The following RBFOX1 variants were observed in gnomAD, a reference collection of about 807,000 sequenced individuals.
RBFOX1 encodes the protein RNA binding fox-1 homolog 1.
Under a neutral mutation model 57.7 loss-of-function variants are expected in RBFOX1, and 8 were observed. The observed-to-expected ratio is 0.14, with a 90% CI of 0.08 to 0.25. The LOEUF (loss-of-function observed/expected upper bound fraction) is 0.25, where lower values mean the gene tolerates loss of function less well. RBFOX1 is among the 10% of genes least tolerant of loss of function. The pLI is 1.00. For synonymous variants in RBFOX1, 326 were observed against 222.4 expected, an observed-to-expected ratio of 1.47 and a Z score of -4.15; for missense variants, 611 against 548.5, an observed-to-expected ratio of 1.11 and a Z score of -1.14.
chr16:6,823,612 C>G (rs1255164460), intron 3 of RBFOX1, among the ~76,000 whole-genome samples: 1 of 152,102 alleles, frequency 6.6e-6, no homozygotes, highest in Non-Finnish European at 1.5e-5. Context: ...TTGAATATTC[C>G]ACCAGTTTTC....
At chr16:5,588,230 G>T (rs1291805650) in intron 2 of RBFOX1, among the ~76,000 whole-genome samples, 2 of 152,174 alleles carry the variant, frequency 1.3e-5, no homozygotes, top group Non-Finnish European at 2.9e-5. Flanking sequence ...GATGGAGGAT[G>T]GAGGTGATGG....
rs568681878 is a variant in RBFOX1 at position 7,001,072 on chromosome 16, C to G, written c.-15-50985C>G. ...AGAAAAATCTTTTACTGATTCTTTG[C>G]TTACCCCAAGGTAGAGTTCATGTGA... On this transcript the variant is annotated intron_variant, in intron 3 of 15. Coordinates refer to ENST00000550418, the MANE Select transcript of RBFOX1 (RefSeq NM_018723.4). 1.0e-3 allele frequency among the ~76,000 whole-genome samples: 158 copies of G among 152,266 alleles called. 2 individuals are homozygous for G. Among genetic ancestry groups the G allele is most frequent in the African/African-American group, 3.7e-3 (153 of 41,562 alleles).
chr16:5,943,054 A>G (rs1159134924), intron 4 of RBFOX1, among the ~76,000 whole-genome samples: 1 of 152,102 alleles, frequency 6.6e-6, no homozygotes, highest in Non-Finnish European at 1.5e-5. Flanking sequence ...ACTGTTCTCA[A>G]GCCTTTGTTC....
At chr16:6,055,774 G>C (rs1460358296) in intron 1 of RBFOX1, among the ~76,000 whole-genome samples, 3 of 151,998 alleles carry the variant, frequency 2.0e-5, no homozygotes, top group Non-Finnish European at 4.4e-5. Flanking sequence ...ACCAAAGTAA[G>C]ATGAGTACAG....
rs560472298 is a variant in RBFOX1, at chr16:5,339,470, GTTTTTTTTTTTTTTTTT to G, written c.219+99379_219+99395del. Among the ~76,000 whole-genome samples, 27 of 40,898 alleles carry G rather than the reference GTTTTTTTTTTTTTTTTT, an allele frequency of 6.6e-4. 5 individuals are homozygous for G. The highest frequency in any genetic ancestry group is 2.0e-3 in the South Asian group (1 of 500). The allele number at this position is 40,898 out of a possible 152,430, so 26.8% of individuals were successfully genotyped here. On this transcript the variant is annotated intron_variant, in intron 1 of 2. Transcript: ENST00000585867. ...AAAAGCTAGAAGCTGCTTTTTCCGT[GTTTTTTTTTTTTTTTTT>G]TTTTTTTTTTTTTGAGATGGAGTCT...
At chr16:7,006,045 T>G (rs1223773724) in intron 3 of RBFOX1, among the ~76,000 whole-genome samples, 9 of 152,224 alleles carry the variant, frequency 5.9e-5, no homozygotes, top group Non-Finnish European at 1.3e-4. Context: ...TTCCTCATGG[T>G]ATATGTTCTC....
chr16:5,289,276 G>T, intron 1 of RBFOX1: 1 of 409,736 alleles, frequency 2.4e-6, no homozygotes, highest in South Asian at 2.9e-5. Flanking sequence ...TGGGCACCCA[G>T]GCATCATGGG....
chr16:7,256,445 T>C (rs1042530348), intron 4 of RBFOX1, among the ~76,000 whole-genome samples: 1 of 152,210 alleles, frequency 6.6e-6, no homozygotes, highest in African/African-American at 2.4e-5. Context: ...TCTCAATCTT[T>C]TATGGCATTA....
intron 3 of RBFOX1, among the ~76,000 whole-genome samples, chr16:6,792,133 A>C (rs533910520): frequency 2.2e-4 from 34 of 152,312 alleles, no homozygotes; most frequent in African/African-American, 7.5e-4. Context: ...AATAGAAAAA[A>C]ATTGAAACAC....
At chr16:7,592,068 T>A (rs1347769775) in intron 7 of RBFOX1, among the ~76,000 whole-genome samples, 3 of 152,022 alleles carry the variant, frequency 2.0e-5, no homozygotes, top group African/African-American at 2.4e-5. Flanking sequence ...GGAGGTAGAA[T>A]TGCCCAACGG....
intron 4 of RBFOX1, among the ~76,000 whole-genome samples, chr16:5,932,261 A>C (rs995162876): frequency 6.6e-6 from 1 of 152,206 alleles, no homozygotes; most frequent in Admixed American, 6.5e-5. Flanking sequence ...AGCTGGTTTA[A>C]AGATGGAAGG....
Position 6,644,157 on chromosome 16 carries a change from C to G in RBFOX1, c.-63-10446C>G, listed in dbSNP as rs181391287. Among the ~76,000 whole-genome samples the G allele has an allele frequency of 1.5e-3, 228 of 152,204 alleles. 1 individual carries two copies. The highest frequency in any genetic ancestry group is 1.3e-3 in the Admixed American group (20 of 15,290). On this transcript the variant is annotated intron_variant, in intron 2 of 15. Transcript: ENST00000550418. ...AATAGTGTAGGTTGCATAAAATCAC[C>G]AGTATGCTCTTAGTCTTAGCATCTA...
At chr16:7,525,518 C>T (rs977913064) in intron 5 of RBFOX1, among the ~76,000 whole-genome samples, 4 of 152,084 alleles carry the variant, frequency 2.6e-5, no homozygotes, top group African/African-American at 9.7e-5. Context: ...GAGCTTGCAC[C>T]GATTTGCACC....
chr16:7,380,780 G>T (rs1169946823), intron 4 of RBFOX1, among the ~76,000 whole-genome samples: 1 of 152,214 alleles, frequency 6.6e-6, no homozygotes, highest in African/African-American at 2.4e-5. Context: ...AATAAGAAAT[G>T]TAATAATAAA....
chr16:7,225,487 A>G (rs527933938), intron 4 of RBFOX1, among the ~76,000 whole-genome samples: 1 of 152,136 alleles, frequency 6.6e-6, no homozygotes, highest in East Asian at 1.9e-4. Context: ...CCAGCCACGT[A>G]TAACTGTAAG....
chr16:6,220,222 C>G (rs2097363475), intron 1 of RBFOX1, among the ~76,000 whole-genome samples: 1 of 151,992 alleles, frequency 6.6e-6, no homozygotes, highest in African/African-American at 2.4e-5. Flanking sequence ...ATACATTCAT[C>G]TATCCATTTA....
rs530441133 is a variant in RBFOX1 at position 5,467,942 on chromosome 16, T to C, written c.258+688T>C. Among the ~76,000 whole-genome samples, 20 of 152,278 alleles carry C rather than the reference T, an allele frequency of 1.3e-4. No homozygotes were observed. In the South Asian group the frequency reaches 3.1e-3, roughly 24 times the overall value. On this transcript the variant is annotated intron_variant, in intron 2 of 2. Coordinates refer to the RBFOX1 transcript ENST00000585867. Reference sequence around the variant, plus strand: ...TTATATATGTAAATTTCCTGTGTAATAGGATTGGAGAGGATTGCATGGCTG... The same window carrying C: ...TTATATATGTAAATTTCCTGTGTAACAGGATTGGAGAGGATTGCATGGCTG...
chr16:6,251,204 G>A (rs1881803870), intron 1 of RBFOX1, among the ~76,000 whole-genome samples: 1 of 152,152 alleles, frequency 6.6e-6, no homozygotes, highest in Non-Finnish European at 1.5e-5. Flanking sequence ...GTCAGGTGCT[G>A]TTCTAAACAC....
chr16:6,613,193 C>T (rs2098092174), intron 2 of RBFOX1, among the ~76,000 whole-genome samples: 1 of 152,120 alleles, frequency 6.6e-6, no homozygotes, highest in Non-Finnish European at 1.5e-5. Flanking sequence ...CAGCCATTAG[C>T]ATCAGCTTCC....
Sources: allele counts gnomAD v4.1 joint callset (sites outside exome capture counted in the v4.1 genomes callset), GRCh38; gene constraint gnomAD v4.1.1; transcripts MANE v1.5; gene names NCBI Gene and HGNC (gene_info 2026-07-23, HGNC 2026-07-21).